Variants in ANKRD30B observed in about 807,000 individuals in gnomAD.
ANKRD30B encodes the protein ankyrin repeat domain 30B.
Under a neutral mutation model 202.2 loss-of-function variants are expected in ANKRD30B, and 144 were observed. The ratio of observed to expected loss-of-function variants is 0.71; its 90% CI spans 0.62 to 0.82. The LOEUF is 0.82. Among genes scored for constraint, ANKRD30B ranks in the 40% least tolerant of loss-of-function variants. The pLI is 0.00. For synonymous variants in ANKRD30B, 508 were observed against 561.3 expected (o/e 0.91, Z 1.34); for missense variants, 1,487 against 1,669.1 (o/e 0.89, Z 1.90).
the ANKRD30B span, among the ~76,000 whole-genome samples, chr18:14,879,962 A>G: frequency 2.0e-5 from 3 of 152,102 alleles, no homozygotes; most frequent in African/African-American, 7.2e-5. Context: ...TGCCTATACC[A>G]ATGTCTAGAA....
intron 3 of ANKRD30B, 39 bp downstream of exon 3, chr18:14,753,051 T>A (rs1344669817): frequency 1.3e-6 from 2 of 1,482,980 alleles, no homozygotes. Flanking sequence ...ATATTTGAAA[T>A]CCATTTGTTT....
At chr18:14,863,288 G>A in the ANKRD30B span, among the ~76,000 whole-genome samples, 1 of 152,144 alleles carries the variant, frequency 6.6e-6, no homozygotes, top group Non-Finnish European at 1.5e-5. Flanking sequence ...AATCATGGGG[G>A]TGGACTCTTC....
chr18:14,897,916 A>G, the ANKRD30B span, among the ~76,000 whole-genome samples: 1 of 152,220 alleles, frequency 6.6e-6, no homozygotes, highest in African/African-American at 2.4e-5. Flanking sequence ...AAGCTCATGA[A>G]TAAACTCCTA....
At chr18:14,797,099 G>T (rs1968954813) in intron 18 of ANKRD30B, among the ~76,000 whole-genome samples, 1 of 152,098 alleles carries the variant, frequency 6.6e-6, no homozygotes, top group Non-Finnish European at 1.5e-5. Context: ...TAGACAACTG[G>T]GTAGACCAGA....
intron 4 of ANKRD30B, among the ~76,000 whole-genome samples, chr18:14,756,789 G>T (rs1225787323): frequency 6.6e-6 from 1 of 152,128 alleles, no homozygotes; most frequent in East Asian, 1.9e-4. Context: ...CTACTCAGGG[G>T]ACTGAGGCAC....
At chr18:14,824,952 G>A (rs1970601169) in intron 32 of ANKRD30B, among the ~76,000 whole-genome samples, 1 of 152,134 alleles carries the variant, frequency 6.6e-6, no homozygotes, top group Non-Finnish European at 1.5e-5. Flanking sequence ...CCATAACCAT[G>A]GGTTGTGGAA....
At chr18:14,860,643 C>A in the ANKRD30B span, among the ~76,000 whole-genome samples, 1 of 151,288 alleles carries the variant, frequency 6.6e-6, no homozygotes, top group East Asian at 2.0e-4. Context: ...AGCAGAAACC[C>A]TGCAACCTAG....
At chr18:14,791,560 C>T in intron 16 of ANKRD30B, 69 bp downstream of exon 16, 1 of 1,243,656 alleles carries the variant, frequency 8.0e-7, no homozygotes, top group Admixed American at 2.3e-5. Flanking sequence ...GGAAGGATAT[C>T]CTCTAATAGA....
At chr18:14,787,813 A>G (rs1449791852) in intron 15 of ANKRD30B, among the ~76,000 whole-genome samples, 1 of 152,210 alleles carries the variant, frequency 6.6e-6, no homozygotes, top group Non-Finnish European at 1.5e-5. Flanking sequence ...GACCTCTTAG[A>G]AACAAGCAGC....
At chr18:14,860,204 A>G in the ANKRD30B span, among the ~76,000 whole-genome samples, 1 of 133,472 alleles carries the variant, frequency 7.5e-6, no homozygotes, top group Non-Finnish European at 1.6e-5. Context: ...GATGGGCAGC[A>G]GGAGAAAGGT....
chr18:14,796,039 T>C (rs1968862987), intron 16 of ANKRD30B, among the ~76,000 whole-genome samples, 182 bp from the exon 17 acceptor site: 1 of 152,142 alleles, frequency 6.6e-6, no homozygotes, highest in Non-Finnish European at 1.5e-5. Context: ...TAAGTTTTCT[T>C]AAGTATATTT....
intron 28 of ANKRD30B, among the ~76,000 whole-genome samples, chr18:14,811,058 T>C (rs1208870955): frequency 6.6e-6 from 1 of 151,308 alleles, no homozygotes; most frequent in Non-Finnish European, 1.5e-5. Flanking sequence ...GAAGTTGCAG[T>C]GAGCCAAGCT....
chr18:14,848,473 A>G (rs1029396153), intron 39 of ANKRD30B, among the ~76,000 whole-genome samples: 1 of 152,038 alleles, frequency 6.6e-6, no homozygotes, highest in Non-Finnish European at 1.5e-5. Flanking sequence ...ATTTTCTTAC[A>G]GTATCTATCT....
At position 14,752,511 on chromosome 18, in the gene ANKRD30B, G is replaced by T. The variant is rs1279827653; in HGVS notation, c.222-55G>T. ...AATGTTTACAATTACCTAAATCGTT[G>T]TATGTTTTGAGACAGTGGGCTATAC... On this transcript the variant is annotated intron_variant, in intron 1 of 43. Coordinates refer to ENST00000690538, the MANE Select transcript of ANKRD30B (RefSeq NM_001367607.2). 2.3e-6 allele frequency: 3 copies of T among 1,322,828 alleles called. No homozygotes were observed. The African/African-American group carries it at 4.4e-5, about 19-fold the overall frequency. The allele number at this position is 1,322,828 out of a possible 1,614,324, so 81.9% of individuals were successfully genotyped here. A position where few individuals can be genotyped will look rare whatever the true frequency, so the allele number is the denominator to read the frequency against.
At chr18:14,865,145 C>G in the ANKRD30B span, among the ~76,000 whole-genome samples, 1 of 151,432 alleles carries the variant, frequency 6.6e-6, no homozygotes, top group Non-Finnish European at 1.5e-5. Context: ...ACACTTTTTA[C>G]CCACTGTCTT....
At chr18:14,843,813 G>A (rs1030849976) in intron 39 of ANKRD30B, among the ~76,000 whole-genome samples, 1 of 152,118 alleles carries the variant, frequency 6.6e-6, no homozygotes, top group Non-Finnish European at 1.5e-5. Flanking sequence ...CAAACAAACA[G>A]AAATAATAAT....
At chr18:14,890,442 T>C in the ANKRD30B span, among the ~76,000 whole-genome samples, 3 of 151,664 alleles carry the variant, frequency 2.0e-5, no homozygotes, top group African/African-American at 7.3e-5. Context: ...CAAGGATTAT[T>C]GCATTGCTCT....
chr18:14,834,746 T>A (rs186848626), intron 34 of ANKRD30B, among the ~76,000 whole-genome samples: 2 of 151,982 alleles, frequency 1.3e-5, no homozygotes, highest in Non-Finnish European at 2.9e-5. Flanking sequence ...TATTCTGATT[T>A]GATTATGTGA....
At chr18:14,837,173 T>C (rs1278387412) in intron 34 of ANKRD30B, 38 bp from the exon 35 acceptor site, 1 of 1,411,706 alleles carries the variant, frequency 7.1e-7, no homozygotes, top group East Asian at 2.5e-5. Context: ...TCTGAAGTTT[T>C]TTTTTTGTGT....
Sources: allele counts gnomAD v4.1 joint callset (sites outside exome capture counted in the v4.1 genomes callset), GRCh38; gene constraint gnomAD v4.1.1; transcripts MANE v1.5; gene names NCBI Gene and HGNC (gene_info 2026-07-23, HGNC 2026-07-21).